Variants in UBTD1 observed in about 807,000 individuals in gnomAD.
The protein encoded by UBTD1 is ubiquitin domain-containing protein 1.
Under a neutral mutation model 21.7 loss-of-function variants are expected in UBTD1, and 19 were observed. The ratio of observed to expected loss-of-function variants is 0.87; its 90% CI spans 0.61 to 1.28. The LOEUF (loss-of-function observed/expected upper bound fraction) is 1.28, where lower values mean the gene tolerates loss of function less well. Among genes scored for constraint, UBTD1 ranks in the 50% most tolerant of loss-of-function variants. The pLI is 0.00. For synonymous variants in UBTD1, 116 were observed against 135.1 expected, an observed-to-expected ratio of 0.86 and a Z score of 0.98; for missense variants, 282 against 315.1, an observed-to-expected ratio of 0.89 and a Z score of 0.80.
intron 1 of UBTD1, among the ~76,000 whole-genome samples, chr10:97,549,879 C>T (rs866732988): frequency 6.6e-6 from 1 of 152,222 alleles, no homozygotes. Context: ...ATAAATATCG[C>T]GCTTCCTGAA....
intron 1 of UBTD1, among the ~76,000 whole-genome samples, chr10:97,554,728 T>G (rs1201984261): frequency 6.6e-6 from 1 of 151,990 alleles, no homozygotes; most frequent in East Asian, 1.9e-4. Flanking sequence ...TTTTTTTTAT[T>G]TTTTGTAGAG....
At chr10:97,560,112 T>C (rs2040685416) in intron 1 of UBTD1, among the ~76,000 whole-genome samples, 1 of 152,198 alleles carries the variant, frequency 6.6e-6, no homozygotes, top group Non-Finnish European at 1.5e-5. Context: ...GTTTCAACTT[T>C]TTGACTTGTT....
chr10:97,529,151 A>G (rs1357651652), intron 1 of UBTD1, among the ~76,000 whole-genome samples: 1 of 147,536 alleles, frequency 6.8e-6, no homozygotes, highest in East Asian at 2.0e-4. Flanking sequence ...GGCGCTCCCC[A>G]CATCTCAGAC....
At position 97,514,211 on chromosome 10, in the gene UBTD1, AG is replaced by A. The variant is rs552096005; in HGVS notation, c.70+14939del. Among the ~76,000 whole-genome samples, 324 of 152,156 alleles carry A rather than the reference AG, an allele frequency of 2.1e-3. No homozygotes were observed. The Middle Eastern group carries it at 0.024, about 11-fold the overall frequency. ...CAGGCAGGATGGGAGCCTGGGACGAAGCACTGGCTTTACCACCCCAGACTTG... is the reference window on the plus strand; with the variant it reads ...CAGGCAGGATGGGAGCCTGGGACGAACACTGGCTTTACCACCCCAGACTTG... On this transcript the variant is annotated intron_variant, in intron 1 of 2. Coordinates refer to ENST00000370664, the MANE Select transcript of UBTD1 (RefSeq NM_024954.5).
intron 1 of UBTD1, among the ~76,000 whole-genome samples, chr10:97,547,624 G>A (rs951822571): frequency 3.9e-5 from 6 of 152,144 alleles, no homozygotes; most frequent in Non-Finnish European, 7.4e-5. Flanking sequence ...GAGTGCAGTG[G>A]CGTGATCTTG....
intron 1 of UBTD1, among the ~76,000 whole-genome samples, chr10:97,529,318 G>A (rs974035876): frequency 9.9e-5 from 15 of 150,892 alleles, no homozygotes; most frequent in Non-Finnish European, 2.1e-4. Context: ...CATCCCAGAT[G>A]ATGGGCGGCC....
At chr10:97,509,626 C>A (rs1005029994) in intron 1 of UBTD1, among the ~76,000 whole-genome samples, 1 of 152,162 alleles carries the variant, frequency 6.6e-6, no homozygotes, top group East Asian at 1.9e-4. Context: ...AGAGTGCAAT[C>A]ACAAGGGCTG....
chr10:97,545,338 C>CAAAA (rs71007349), intron 1 of UBTD1, among the ~76,000 whole-genome samples: 2 of 126,842 alleles, frequency 1.6e-5, no homozygotes, highest in East Asian at 2.3e-4. Flanking sequence ...GACTCCGTCT[C>CAAAA]AAAAAAAAAA....
At chr10:97,506,676 C>T (rs2040400967) in intron 1 of UBTD1, among the ~76,000 whole-genome samples, 1 of 152,148 alleles carries the variant, frequency 6.6e-6, no homozygotes, top group Admixed American at 6.5e-5. Context: ...TTCTTCATCC[C>T]CCCAACCACT....
chr10:97,531,495 C>G (rs1232808196), intron 1 of UBTD1, among the ~76,000 whole-genome samples: 1 of 152,190 alleles, frequency 6.6e-6, no homozygotes, highest in Admixed American at 6.5e-5. Context: ...AAGTGATCTG[C>G]CTGCCTCAGC....
chr10:97,530,227 G>GAATGA (rs869148622), intron 1 of UBTD1, among the ~76,000 whole-genome samples: 33 of 76,536 alleles, frequency 4.3e-4, no homozygotes, highest in Non-Finnish European at 8.3e-4. Context: ...TGAATGAATG[G>GAATGA]ATGGATGAAT....
intron 1 of UBTD1, among the ~76,000 whole-genome samples, chr10:97,506,698 T>C (rs1174805699): frequency 2.0e-5 from 3 of 152,218 alleles, no homozygotes; most frequent in Non-Finnish European, 2.9e-5. Context: ...GCAACTGATA[T>C]TCTGCTTTCT....
At chr10:97,530,992 A>G (rs1466902161) in intron 1 of UBTD1, among the ~76,000 whole-genome samples, 4 of 151,968 alleles carry the variant, frequency 2.6e-5, no homozygotes, top group Admixed American at 2.0e-4. Context: ...GGTTCATGCC[A>G]TTCTCCTGCC....
intron 1 of UBTD1, among the ~76,000 whole-genome samples, chr10:97,565,152 A>G (rs976603376): frequency 6.6e-6 from 1 of 152,138 alleles, no homozygotes; most frequent in African/African-American, 2.4e-5. Context: ...TGGCCCTCAC[A>G]TTTGGCTCAG....
rs563626669 is a variant in UBTD1, at chr10:97,530,910, C to T, written c.70+31637C>T. 4.6e-5 allele frequency among the ~76,000 whole-genome samples: 7 copies of T among 151,674 alleles called. No individual in the cohort carries two copies. The South Asian group carries it at 8.3e-4, about 18-fold the overall frequency. ...TTTTAAATTTTTTACTTTTTTGAGA[C>T]GGAGTCTGGCTCTGTTGCCCAGGCT... is the stretch of plus-strand genomic sequence containing the variant. On this transcript the variant is annotated intron_variant, in intron 1 of 2. Coordinates refer to ENST00000370664, the MANE Select transcript of UBTD1 (RefSeq NM_024954.5).
chr10:97,563,774 G>T (rs1293182032), intron 1 of UBTD1, among the ~76,000 whole-genome samples: 2 of 152,138 alleles, frequency 1.3e-5, no homozygotes, highest in African/African-American at 4.8e-5. Flanking sequence ...GGGATGACAA[G>T]TTTTCGGGGT....
At chr10:97,504,320 G>C (rs2040389797) in intron 1 of UBTD1, among the ~76,000 whole-genome samples, 1 of 84,108 alleles carries the variant, frequency 1.2e-5, no homozygotes, top group African/African-American at 3.3e-5. Flanking sequence ...CTTTGCTCAA[G>C]CCTCCTGTGA....
intron 1 of UBTD1, among the ~76,000 whole-genome samples, chr10:97,530,223 A>AATGAATGG (rs1554865460): frequency 7.2e-4 from 110 of 152,168 alleles, no homozygotes; most frequent in African/African-American, 1.7e-3. Context: ...TGAATGAATG[A>AATGAATGG]ATGGATGGAT....
At chr10:97,545,229 T>TA (rs1229079244) in intron 1 of UBTD1, among the ~76,000 whole-genome samples, 1 of 151,410 alleles carries the variant, frequency 6.6e-6, no homozygotes, top group African/African-American at 2.4e-5. Context: ...TAGTCCCAGC[T>TA]ACTCAGGAGG....
Sources: gnomAD v4.1 joint callset for allele counts (sites outside exome capture counted in the v4.1 genomes callset) on GRCh38, gnomAD v4.1.1 for gene constraint, MANE v1.5 for transcripts, NCBI Gene and HGNC (gene_info 2026-07-23, HGNC 2026-07-21) for gene names.